KALRN: variants seen among roughly 807,000 people sequenced by gnomAD.
KALRN encodes kalirin.
A neutral mutation model predicts 353.7 loss-of-function variants in KALRN; 70 were observed. The observed-to-expected ratio is 0.20, with a 90% CI of 0.16 to 0.24. KALRN has a LOEUF of 0.24. Ranked by LOEUF, KALRN falls within the 10% of genes least tolerant of loss-of-function variation. KALRN has a pLI of 1.00. For missense variants in KALRN, 2,791 were observed against 3,756.7 expected, an observed-to-expected ratio of 0.74 and a Z score of 6.72; for synonymous variants, 1,391 against 1,434.8, an observed-to-expected ratio of 0.97 and a Z score of 0.69.
intron 1 of KALRN, among the ~76,000 whole-genome samples, chr3:124,085,817 AG>A (rs1249790006): frequency 6.6e-6 from 1 of 152,236 alleles, no homozygotes; most frequent in East Asian, 1.9e-4. Flanking sequence ...TTCATTCTTC[AG>A]GGATAACTAC....
At chr3:124,325,031 C>T (rs1334492496) in intron 6 of KALRN, among the ~76,000 whole-genome samples, 4 of 152,120 alleles carry the variant, frequency 2.6e-5, no homozygotes, top group Admixed American at 6.5e-5. Context: ...TAGGAGATAG[C>T]GGTTAAAAAT....
intron 50 of KALRN, 21 bp from the exon 51 acceptor site, chr3:124,679,437 T>C: frequency 6.2e-7 from 1 of 1,609,858 alleles, no homozygotes; most frequent in Non-Finnish European, 8.5e-7. Flanking sequence ...TTCTTCCCCC[T>C]TCCTCATGCT....
intron 21 of KALRN, among the ~76,000 whole-genome samples, chr3:124,448,078 TC>T (rs2093898982): frequency 6.6e-6 from 1 of 152,230 alleles, no homozygotes; most frequent in Admixed American, 6.5e-5. Flanking sequence ...CCATTGGTGT[TC>T]CTGTCTGCAT....
intron 57 of KALRN, among the ~76,000 whole-genome samples, chr3:124,712,599 G>A (rs1309315419): frequency 2.1e-5 from 3 of 144,690 alleles, no homozygotes; most frequent in African/African-American, 7.7e-5. Flanking sequence ...AGGCTGAAGT[G>A]AGCCATGATC....
intron 37 of KALRN, among the ~76,000 whole-genome samples, chr3:124,642,808 T>TTTTTTTTTGTTGTTGTTTTTG (rs1559749896): frequency 7.9e-6 from 1 of 126,848 alleles, no homozygotes; most frequent in African/African-American, 3.4e-5. Flanking sequence ...CAAGCCTCGT[T>TTTTTTTTTGTTGTTGTTTTTG]TTTTTTTTTT....
At chr3:124,200,042 G>A (rs2075815183) in intron 1 of KALRN, among the ~76,000 whole-genome samples, 1 of 152,180 alleles carries the variant, frequency 6.6e-6, no homozygotes, top group Admixed American at 6.5e-5. Context: ...ATTTTGAAAT[G>A]GGAAACTAGC....
intron 33 of KALRN, among the ~76,000 whole-genome samples, chr3:124,549,371 T>TCACA (rs1303113449): frequency 7.0e-5 from 10 of 143,360 alleles, no homozygotes; most frequent in African/African-American, 2.6e-4. Context: ...ACACATAATC[T>TCACA]CACACACACA....
At chr3:124,301,698 T>C (rs150062969) in intron 6 of KALRN, among the ~76,000 whole-genome samples, 75 of 152,352 alleles carry the variant, frequency 4.9e-4, no homozygotes, top group African/African-American at 1.8e-3. Flanking sequence ...GTGATGGATG[T>C]TGCTGCCAAG....
intron 1 of KALRN, among the ~76,000 whole-genome samples, chr3:124,227,700 T>TCC (rs2078717323): frequency 1.1e-5 from 1 of 88,002 alleles, no homozygotes; most frequent in Admixed American, 1.2e-4. Context: ...TTTTTTTTTT[T>TCC]TTTTTGCCCC....
At chr3:124,634,501 G>A (rs1395969662) in intron 36 of KALRN, among the ~76,000 whole-genome samples, 1 of 152,196 alleles carries the variant, frequency 6.6e-6, no homozygotes, top group African/African-American at 2.4e-5. Flanking sequence ...AGATTCCCCG[G>A]CCCGCTGGCA....
In KALRN at chr3:124,188,046, A is replaced by G. The variant is rs533951494; in HGVS notation, c.74-39944A>G. On this transcript the variant is annotated intron_variant, in intron 1 of 59. Transcript: ENST00000682506. ...CCAACAACATACAAGCAAACAAAAA[A>G]CCCACGTGTGGGCCCTACTCTAGAA... Among the ~76,000 whole-genome samples the G allele has an allele frequency of 3.3e-5, 5 of 152,172 alleles. No individual in the cohort carries two copies. In the South Asian group the frequency reaches 1.0e-3, roughly 32 times the overall value.
chr3:124,722,598 AGAT>A lies in KALRN; in HGVS notation c.*3138_*3140del, dbSNP rs2063371803. 1 of 152,234 alleles carries A rather than the reference AGAT, an allele frequency of 6.6e-6. No individual in the cohort carries two copies. Among genetic ancestry groups the A allele is most frequent in the Non-Finnish European group, 1.5e-5 (1 of 68,060 alleles). 9.4% of individuals were successfully genotyped at this position (152,234 alleles called of 1,614,324 possible). ...CAAGTTGGAAATAACAAGGAATCCC[AGAT>A]GATGATGATCCTGGGGAATGTACTT... On this transcript the variant is annotated 3_prime_UTR_variant, in exon 60 of 60. Transcript: ENST00000682506.
At chr3:124,559,284 CA>C (rs1365793733) in intron 33 of KALRN, among the ~76,000 whole-genome samples, 1 of 152,146 alleles carries the variant, frequency 6.6e-6, no homozygotes, top group Non-Finnish European at 1.5e-5. Flanking sequence ...GAACAGGCCC[CA>C]CTGGGAATGG....
At chr3:124,487,612 C>G (rs1344391474) in intron 28 of KALRN, among the ~76,000 whole-genome samples, 2 of 152,186 alleles carry the variant, frequency 1.3e-5, no homozygotes, top group Non-Finnish European at 2.9e-5. Flanking sequence ...CTATTGGCCC[C>G]AGATTAGGAA....
chr3:124,687,251 C>A (rs17308266), intron 51 of KALRN, among the ~76,000 whole-genome samples: 22,502 of 152,088 alleles, frequency 0.15, 2,171 homozygotes, highest in Middle Eastern at 0.21. Context: ...AAGGCATTAT[C>A]CAAAGTCAAG....
chr3:124,477,849 CT>C (rs1319657000), intron 27 of KALRN, among the ~76,000 whole-genome samples: 3 of 151,482 alleles, frequency 2.0e-5, no homozygotes, highest in South Asian at 2.1e-4. Context: ...AAAAAAAAAA[CT>C]GATATCTGAA....
intron 1 of KALRN, among the ~76,000 whole-genome samples, chr3:124,099,055 A>G (rs2061653074): frequency 6.6e-6 from 1 of 152,248 alleles, no homozygotes; most frequent in Non-Finnish European, 1.5e-5. Context: ...ATGTGTAATG[A>G]TCAATTCAGG....
chr3:124,231,111 C>T (rs1336205066), intron 2 of KALRN, among the ~76,000 whole-genome samples: 1 of 152,202 alleles, frequency 6.6e-6, no homozygotes, highest in East Asian at 1.9e-4. Flanking sequence ...GAAAGCCATG[C>T]TGCCATGGGA....
At chr3:124,315,927 G>T (rs999602260) in intron 6 of KALRN, among the ~76,000 whole-genome samples, 6 of 152,194 alleles carry the variant, frequency 3.9e-5, no homozygotes, top group Non-Finnish European at 7.3e-5. Context: ...TTTGGGGACA[G>T]CATGGTAGCC....
Sources: gnomAD v4.1 joint callset for allele counts (sites outside exome capture counted in the v4.1 genomes callset) on GRCh38, gnomAD v4.1.1 for gene constraint, MANE v1.5 for transcripts, NCBI Gene and HGNC (gene_info 2026-07-23, HGNC 2026-07-21) for gene names.